Variants in REV3L observed in about 807,000 individuals in gnomAD.
The protein encoded by REV3L is DNA polymerase zeta catalytic subunit.
A neutral mutation model predicts 299.4 loss-of-function variants in REV3L; 69 were observed. The ratio of observed to expected loss-of-function variants is 0.23; its 90% CI spans 0.19 to 0.28. The LOEUF (loss-of-function observed/expected upper bound fraction) is 0.28, where lower values mean the gene tolerates loss of function less well. Among genes scored for constraint, REV3L ranks in the 10% least tolerant of loss-of-function variants. REV3L has a pLI of 1.00. For missense variants in REV3L, 3,128 were observed against 3,693.8 expected, an observed-to-expected ratio of 0.85 and a Z score of 3.97; for synonymous variants, 1,238 against 1,271.4, an observed-to-expected ratio of 0.97 and a Z score of 0.56.
intron 24 of REV3L, among the ~76,000 whole-genome samples, chr6:111,330,472 G>A (rs1422066352): frequency 6.6e-6 from 1 of 152,068 alleles, no homozygotes; most frequent in Non-Finnish European, 1.5e-5. Context: ...CACGTGCAAG[G>A]TAATGCATGT....
In REV3L at chr6:111,422,613, CACATAT is replaced by C. The variant is rs1432620172; in HGVS notation, c.140-6147_140-6142del. 1.7e-3 allele frequency among the ~76,000 whole-genome samples: 12 copies of C among 7,184 alleles called. 1 individual carries two copies. Among genetic ancestry groups the C allele is most frequent in the African/African-American group, 5.5e-3 (12 of 2,176 alleles). 4.7% of individuals were successfully genotyped at this position (7,184 alleles called of 152,430 possible). The stretch of plus-strand genomic sequence containing the variant: ...ATATATACACATATATATATATATA[CACATAT>C]ATATATATATACACATATATATATA... On this transcript the variant is annotated intron_variant, in intron 1 of 31. Transcript: ENST00000368802.
In REV3L at chr6:111,372,871, T is replaced by C. The variant is rs1779941867; in HGVS notation, c.5484A>G (p.Glu1828=). 1.9e-6 allele frequency: 3 copies of C among 1,614,122 alleles called. No homozygotes were observed. The highest frequency in any genetic ancestry group is 2.5e-6 in the Non-Finnish European group (3 of 1,180,008). Residue 1828 remains glutamate, a synonymous_variant, in exon 13 of 32, where the codon GAA becomes GAG. Coordinates refer to ENST00000368802, the MANE Select transcript of REV3L (RefSeq NM_001372078.1). The stretch of plus-strand genomic sequence containing the variant: ...AATCTTCACAGGCCACGTCTACAAG[T>C]TCACCATCAGGGGAGGAGAGTATTG... ...FTAILSSPDG[E]LVDVACEDLE...
intron 1 of REV3L, among the ~76,000 whole-genome samples, chr6:111,454,440 A>T (rs1349669201): frequency 6.6e-6 from 1 of 152,078 alleles, no homozygotes; most frequent in Non-Finnish European, 1.5e-5. Flanking sequence ...TGGGTATACA[A>T]TTCAGTGGCA....
chr6:111,306,474 C>T (rs1459958698), intron 31 of REV3L, among the ~76,000 whole-genome samples: 1 of 151,976 alleles, frequency 6.6e-6, no homozygotes, highest in Non-Finnish European at 1.5e-5. Context: ...TTGGGGGGTG[C>T]GAGGTGGCAA....
At chr6:111,350,979 A>G (rs1322328566) in intron 19 of REV3L, among the ~76,000 whole-genome samples, 1 of 152,098 alleles carries the variant, frequency 6.6e-6, no homozygotes, top group Non-Finnish European at 1.5e-5. Flanking sequence ...ACTTTGTTTT[A>G]GTTAGACTTG....
At chr6:111,478,582 C>T (rs936468110) in intron 1 of REV3L, among the ~76,000 whole-genome samples, 23 of 149,546 alleles carry the variant, frequency 1.5e-4, no homozygotes, top group African/African-American at 5.2e-4. Context: ...TGTTGATACA[C>T]GCTAATTTTC....
chr6:111,338,630 T>C (rs1045980849), intron 21 of REV3L, among the ~76,000 whole-genome samples: 3 of 151,912 alleles, frequency 2.0e-5, no homozygotes, highest in Non-Finnish European at 4.4e-5. Flanking sequence ...AAGTTTGTTT[T>C]TGGGCAAAAA....
In REV3L at chr6:111,376,002, CTGTTT is replaced by C; in HGVS notation, c.2348_2352del (p.Lys783ArgfsTer22). The C allele has an allele frequency of 6.2e-7, 1 of 1,613,806 alleles. No individual in the cohort carries two copies. Among genetic ancestry groups the C allele is most frequent in the African/African-American group, 1.3e-5 (1 of 75,010 alleles). ...GCTTGCTGGCTGAGGCTTGGCTTTTCTGTTTTATGTTCTTGAAATTCTTCATACCT... is the reference window on the plus strand; with the variant it reads ...GCTTGCTGGCTGAGGCTTGGCTTTTCTATGTTCTTGAAATTCTTCATACCT... On this transcript the variant is annotated frameshift_variant, in exon 13 of 32. Coordinates refer to ENST00000368802, the MANE Select transcript of REV3L (RefSeq NM_001372078.1). LOFTEE classifies it high-confidence loss of function.
chr6:111,375,649 T>C lies in REV3L; in HGVS notation c.2706A>G (p.Gly902=), dbSNP rs458486. The part of the protein sequence containing the change: ...DGFIDCHFGD[G]TLETEQSFGL... ...CAAAGGACTGCTCAGTTTCTAACGT[T>C]CCATCTCCAAAGTGACAGTCTATAA... The change falls in exon 13 of 32, where the codon GGA becomes GGG. Residue 902 remains glycine (G), a synonymous_variant. Transcript: ENST00000368802. 821,852 of 1,613,462 alleles carry C rather than the reference T, an allele frequency of 0.51. 218,103 individuals carry two copies. The highest frequency in any genetic ancestry group is 0.55 in the Non-Finnish European group (647,162 of 1,179,672).
At chr6:111,384,444 A>T (rs939642397) in intron 9 of REV3L, among the ~76,000 whole-genome samples, 7 of 152,232 alleles carry the variant, frequency 4.6e-5, no homozygotes, top group Non-Finnish European at 2.9e-5. Flanking sequence ...AAAGATCTGA[A>T]CAGACATTTC....
rs1782080372 is a variant in REV3L, at chr6:111,392,892, G to T, written c.646C>A (p.Gln216Lys). 1 of 1,608,994 alleles carries T rather than the reference G, an allele frequency of 6.2e-7. No individual in the cohort carries two copies. Among genetic ancestry groups the T allele is most frequent in the East Asian group, 2.2e-5 (1 of 44,744 alleles). The change falls in exon 5 of 32, where the codon CAA becomes AAA. Residue 216 changes from glutamine (Q) to lysine (K), a missense_variant. Gln to Lys is a moderately conservative substitution (Grantham distance 53). Around this residue, in one of 9 missense-constraint regions of REV3L, gnomAD observed 2,409 missense variants for 2,611.8 expected, o/e 0.92. Transcript: ENST00000368802. ...SLADTLFRWE[Q>K]DEIPSSLILE... is the part of the protein sequence containing the mutation. ...TTAACTAACCTTGGTATTTCATCTT[G>T]TTCCCACCGAAATAAAGTATCAGCA...
At chr6:111,429,996 CAA>C (rs1054771580) in intron 1 of REV3L, among the ~76,000 whole-genome samples, 2 of 151,888 alleles carry the variant, frequency 1.3e-5, no homozygotes, top group Admixed American at 1.3e-4. Context: ...TCATGACAAA[CAA>C]AAGGACAGAA....
intron 28 of REV3L, chr6:111,312,329 T>C (rs1773075589): frequency 6.6e-6 from 1 of 152,214 alleles, no homozygotes; most frequent in Non-Finnish European, 1.5e-5. Flanking sequence ...CAATCCACTA[T>C]GCTTTTAATG....
chr6:111,449,867 A>G (rs1583035395), intron 1 of REV3L, among the ~76,000 whole-genome samples: 2 of 152,280 alleles, frequency 1.3e-5, no homozygotes, highest in South Asian at 4.1e-4. Flanking sequence ...ATGAGGAAAA[A>G]AATGTAGCAA....
In REV3L at chr6:111,407,549, C is replaced by A. The variant is rs114639914; in HGVS notation, c.405-1919G>T. ...TCACCATGAGGTCAAAAAGTAAGGA[C>A]CTAAAATTGGATTTAGCAACACAGA... On this transcript the variant is annotated intron_variant, in intron 3 of 31. Coordinates refer to ENST00000368802, the MANE Select transcript of REV3L (RefSeq NM_001372078.1). Among the ~76,000 whole-genome samples, 801 of 152,188 alleles carry A rather than the reference C, an allele frequency of 5.3e-3. 7 individuals are homozygous for A. The highest frequency in any genetic ancestry group is 0.018 in the African/African-American group (730 of 41,504).
chr6:111,347,060 A>G (rs368295622), intron 20 of REV3L, among the ~76,000 whole-genome samples: 9 of 152,128 alleles, frequency 5.9e-5, no homozygotes, highest in Admixed American at 2.0e-4. Context: ...ACTTGAGGTC[A>G]GGAGTTTGTG....
chr6:111,349,316 A>G lies in REV3L; in HGVS notation c.7321T>C (p.Phe2441Leu). 3 of 1,593,382 alleles carry G rather than the reference A, an allele frequency of 1.9e-6. No individual in the cohort carries two copies. The highest frequency in any genetic ancestry group is 2.6e-6 in the Non-Finnish European group (3 of 1,165,922). ...RVPDDKIENRFAAERDEYGSY... is the reference protein window; with the variant it reads ...RVPDDKIENRLAAERDEYGSY... ...CCATACTCATCTCTTTCAGCTGCAA[A>G]TCTGTTCTCAATTTTGTCATCTATA... Residue 2441 changes from phenylalanine to leucine, a missense_variant, in exon 20 of 32, where the codon TTT becomes CTT. Phe to Leu is a conservative substitution (Grantham distance 22). This residue lies in a region of REV3L where 50 missense variants were observed against 48.2 expected (regional missense o/e 1.04). Transcript: ENST00000368802.
intron 4 of REV3L, among the ~76,000 whole-genome samples, chr6:111,394,260 G>A (rs1340838774): frequency 1.3e-5 from 2 of 152,176 alleles, no homozygotes; most frequent in Non-Finnish European, 1.5e-5. Context: ...CCCACCAACA[G>A]TGTATAAGAG....
At chr6:111,308,329 TAAAG>T (rs1292277381) in intron 30 of REV3L, 1 of 446,030 alleles carries the variant, frequency 2.2e-6, no homozygotes, top group Admixed American at 2.4e-5. Context: ...ACATTAGTAA[TAAAG>T]AATCTGAGTT....
Sources: gnomAD v4.1 joint callset for allele counts (sites outside exome capture counted in the v4.1 genomes callset) on GRCh38, gnomAD v4.1.1 for gene constraint, gnomAD v4.1.1 regional missense constraint, MANE v1.5 for transcripts, NCBI Gene and HGNC (gene_info 2026-07-23, HGNC 2026-07-21) for gene names.